TTC14: variants seen among roughly 807,000 people sequenced by gnomAD.
The protein encoded by TTC14 is tetratricopeptide repeat domain 14, also known as tetratricopeptide repeat protein 14.
TTC14 carries 63 observed loss-of-function variants against 79.9 expected under a neutral mutation model. That is an observed-to-expected ratio of 0.79 (90% CI 0.64 to 0.97). The LOEUF (loss-of-function observed/expected upper bound fraction) is 0.97. TTC14 is among the 50% of genes least tolerant of loss of function. The pLI is 0.00. For synonymous variants in TTC14, 335 were observed against 309.6 expected, an observed-to-expected ratio of 1.08 and a Z score of -0.86; for missense variants, 895 against 894.0, an observed-to-expected ratio of 1.00 and a Z score of -0.01.
At chr3:180,607,563 C>T in intron 9 of TTC14, 85 bp from the exon 10 acceptor site, 1 of 1,421,204 alleles carries the variant, frequency 7.0e-7, no homozygotes, top group Non-Finnish European at 9.2e-7. Flanking sequence ...CTAATAAGCT[C>T]TCTCATATAA....
At position 180,616,933 on chromosome 3, in the gene TTC14, A is replaced by G. The variant is rs200913298; in HGVS notation, c.1775-447A>G. On this transcript the variant is annotated intron_variant, in intron 12 of 12. Transcript: ENST00000382584. ...AACTTTTCTTTAACATTATTTGCCA[A>G]ATGTTCTATAACATCTAATGTATTT... is the stretch of plus-strand genomic sequence containing the variant. 4,984 of 1,477,180 alleles carry G rather than the reference A, an allele frequency of 3.4e-3. 16 individuals carry two copies. The highest frequency in any genetic ancestry group is 4.3e-3 in the Non-Finnish European group (4,613 of 1,069,500). The allele number at this position is 1,477,180 out of a possible 1,614,324, so 91.5% of individuals were successfully genotyped here.
In TTC14 at chr3:180,604,349, T is replaced by C. The variant is rs142070948; in HGVS notation, c.571+40T>C. On this transcript the variant is annotated intron_variant, in intron 4 of 11. Transcript: ENST00000296015. ...CATACTAATAAAAAAGTAATGATTG[T>C]TGAATTTTTGTTTTTATTAATTTAA... 489 of 1,587,478 alleles carry C rather than the reference T, an allele frequency of 3.1e-4. 1 individual carries two copies. The African/African-American group carries it at 5.9e-3, about 19-fold the overall frequency.
chr3:180,611,741 T>C (rs1414303771), downstream of TTC14, among the ~76,000 whole-genome samples: 1 of 152,174 alleles, frequency 6.6e-6, no homozygotes, highest in African/African-American at 2.4e-5. Flanking sequence ...AGCTGTAAAT[T>C]ACAATGGACT....
At position 180,609,718 on chromosome 3, in the gene TTC14, TCTG is replaced by T; in HGVS notation, c.1490_1492del (p.Ser497_Gly498delinsCys). The T allele has an allele frequency of 6.2e-7, 1 of 1,613,500 alleles. No homozygotes were observed. The highest frequency in any genetic ancestry group is 8.5e-7 in the Non-Finnish European group (1 of 1,179,838). The stretch of plus-strand genomic sequence containing the variant: ...GTCTTCATCATCATCCTCTTCCTCT[TCTG>T]GTCACAAAAGGCATAAGAAACATAA... On this transcript the variant is annotated inframe_deletion, in exon 12 of 12. Coordinates refer to ENST00000296015, the MANE Select transcript of TTC14 (RefSeq NM_133462.4).
chr3:180,611,121 T>C lies in TTC14; in HGVS notation c.*579T>C. On this transcript the variant is annotated 3_prime_UTR_variant, in exon 12 of 12. Transcript: ENST00000296015. ...GCCCAATTTGATTAAAAGTGGTTTG[T>C]GAACAGTCATTGGCTTCCACCCAGC... 1 of 985,364 alleles carries C rather than the reference T, an allele frequency of 1.0e-6. No homozygotes were observed. Among genetic ancestry groups the C allele is most frequent in the Non-Finnish European group, 1.2e-6 (1 of 829,880 alleles). The allele number at this position is 985,364 out of a possible 1,614,324, so 61.0% of individuals were successfully genotyped here.
intron 9 of TTC14, among the ~76,000 whole-genome samples, chr3:180,607,305 A>AT (rs1716750382): frequency 6.6e-6 from 1 of 152,100 alleles, no homozygotes; most frequent in African/African-American, 2.4e-5. Context: ...TCTGTAGATA[A>AT]TTTTTCATAA....
rs1716586035 is a variant in TTC14, at chr3:180,604,835, G to A, written c.702-17G>A. 6.3e-7 allele frequency: 1 copy of A among 1,586,934 alleles called. No individual in the cohort carries two copies. The highest frequency in any genetic ancestry group is 8.6e-7 in the Non-Finnish European group (1 of 1,169,026). On this transcript the variant is annotated splice_polypyrimidine_tract_variant and intron_variant, in intron 5 of 11. Coordinates refer to ENST00000296015, the MANE Select transcript of TTC14 (RefSeq NM_133462.4). The stretch of plus-strand genomic sequence containing the variant: ...AAATTAGTCATTTTACAATTTTTGT[G>A]TTTGTATTTTTTTAAGGAGAAGTGT...
intron 12 of TTC14, chr3:180,616,669 A>G (rs1377396318): frequency 1.9e-6 from 3 of 1,591,846 alleles, no homozygotes; most frequent in South Asian, 2.3e-5. Context: ...CTTTCAAAAG[A>G]CGGATTTCCT....
chr3:180,616,752 T>G, intron 12 of TTC14: 1 of 1,576,702 alleles, frequency 6.3e-7, no homozygotes, highest in Non-Finnish European at 8.6e-7. Flanking sequence ...ATTTAATATT[T>G]TTAATAGATG....
chr3:180,610,822 GTTTC>G lies in TTC14; in HGVS notation c.*283_*286del. On this transcript the variant is annotated 3_prime_UTR_variant, in exon 12 of 12. Coordinates refer to ENST00000296015, the MANE Select transcript of TTC14 (RefSeq NM_133462.4). ...CTAAAGATAATTCTCTGAAAGTACTGTTTCTTCATTCTATTGCGGTATATGAGAA... is the reference window on the plus strand; with the variant it reads ...CTAAAGATAATTCTCTGAAAGTACTGTTCATTCTATTGCGGTATATGAGAA... 2.9e-6 allele frequency: 3 copies of G among 1,018,258 alleles called. No homozygotes were observed. The highest frequency in any genetic ancestry group is 5.4e-5 in the Admixed American group (1 of 18,532). 63.1% of individuals were successfully genotyped at this position (1,018,258 alleles called of 1,614,324 possible).
Position 180,603,271 on chromosome 3 carries a change from T to C in TTC14, c.434T>C (p.Leu145Ser), listed in dbSNP as rs1340823455. 2 of 1,613,864 alleles carry C rather than the reference T, an allele frequency of 1.2e-6. No individual in the cohort carries two copies. Among genetic ancestry groups the C allele is most frequent in the Admixed American group, 3.3e-5 (2 of 60,000 alleles). ...SIREFGFFMV[L>S]ICLGSGIMRD... The stretch of plus-strand genomic sequence containing the variant: ...CGGGAATTCGGTTTTTTCATGGTGT[T>C]GATCTGTTTAGGAAGTGGTATCATG... Residue 145 changes from leucine (L) to serine (S), a missense_variant, in exon 3 of 12, where the codon TTG becomes TCG. By Grantham distance (145) the Leu-to-Ser change is moderately radical. Transcript: ENST00000296015.
downstream of TTC14, chr3:180,615,055 ATGTACT>A (rs1717178905): frequency 3.9e-6 from 6 of 1,547,706 alleles, no homozygotes; most frequent in Non-Finnish European, 4.4e-6. Context: ...TGAGAAGTAG[ATGTACT>A]TGTACTCCTA....
chr3:180,613,448 C>G (rs1459930885), downstream of TTC14, among the ~76,000 whole-genome samples: 2 of 152,194 alleles, frequency 1.3e-5, no homozygotes, highest in African/African-American at 4.8e-5. Flanking sequence ...AACCATTCCA[C>G]AAATTCTGTG....
At chr3:180,616,816 A>G (rs370578307) in intron 12 of TTC14, 2 of 1,607,032 alleles carry the variant, frequency 1.2e-6, no homozygotes, top group African/African-American at 2.7e-5. Context: ...TTTTTAAAAG[A>G]TATCGATACC....
rs1716906351 is a variant in TTC14 at position 180,610,032 on chromosome 3, T to TAAC, written c.1805_1807dup (p.Asn602dup). 1 of 1,613,984 alleles carries TAAC rather than the reference T, an allele frequency of 6.2e-7. No individual in the cohort carries two copies. Among genetic ancestry groups the TAAC allele is most frequent in the South Asian group, 1.1e-5 (1 of 91,078 alleles). On this transcript the variant is annotated inframe_insertion, in exon 12 of 12. Coordinates refer to ENST00000296015, the MANE Select transcript of TTC14 (RefSeq NM_133462.4). The stretch of plus-strand genomic sequence containing the variant: ...GGTCTGAAGATCCAAGAGATTTTTA[T>TAAC]AACAGCTATAAAACCCAAGCAGGTA...
Position 180,609,759 on chromosome 3 carries a change from A to G in TTC14, c.1530A>G (p.Ser510=), listed in dbSNP as rs766881087. 3 of 1,613,926 alleles carry G rather than the reference A, an allele frequency of 1.9e-6. No individual in the cohort carries two copies. The highest frequency in any genetic ancestry group is 2.5e-6 in the Non-Finnish European group (3 of 1,179,936). ...ATAAGAAACATAAGAGGAACCGTTC[A>G]GAGTCTTCTCGCAGTTCCAGAAGGC... ...KRHKKHKRNR[S]ESSRSSRRHS... Residue 510 remains serine (S), a synonymous_variant, in exon 12 of 12, where the codon TCA becomes TCG. Transcript: ENST00000296015.
At chr3:180,606,646 A>G in intron 9 of TTC14, 43 bp downstream of exon 9, 1 of 1,558,524 alleles carries the variant, frequency 6.4e-7, no homozygotes, top group East Asian at 2.3e-5. Context: ...CTAATGTTCA[A>G]CCAACCACTA....
intron 12 of TTC14, chr3:180,616,218 G>A: frequency 7.2e-7 from 1 of 1,395,764 alleles, no homozygotes; most frequent in South Asian, 1.2e-5. Context: ...TGTAGAAGTG[G>A]CTGGAATCAC....
In TTC14 at chr3:180,609,762, G is replaced by A; in HGVS notation, c.1533G>A (p.Glu511=). 1 of 1,613,978 alleles carries A rather than the reference G, an allele frequency of 6.2e-7. No individual in the cohort carries two copies. The highest frequency in any genetic ancestry group is 8.5e-7 in the Non-Finnish European group (1 of 1,179,940). The change falls in exon 12 of 12, where the codon GAG becomes GAA. Residue 511 remains glutamate, a synonymous_variant. Coordinates refer to ENST00000296015, the MANE Select transcript of TTC14 (RefSeq NM_133462.4). ...RHKKHKRNRS[E]SSRSSRRHSS... is the part of the protein sequence containing the mutation. The stretch of plus-strand genomic sequence containing the variant: ...AGAAACATAAGAGGAACCGTTCAGA[G>A]TCTTCTCGCAGTTCCAGAAGGCATT...
Sources: gnomAD v4.1 joint callset for allele counts (sites outside exome capture counted in the v4.1 genomes callset) on GRCh38, gnomAD v4.1.1 for gene constraint, MANE v1.5 for transcripts, NCBI Gene and HGNC (gene_info 2026-07-23, HGNC 2026-07-21) for gene names.